The following KHDRBS2 variants were observed in gnomAD, a reference collection of about 807,000 sequenced individuals.
KHDRBS2 encodes KH domain-containing, RNA-binding, signal transduction-associated protein 2.
A neutral mutation model predicts 44.3 loss-of-function variants in KHDRBS2; 26 were observed. The observed-to-expected ratio is 0.59, with a 90% CI of 0.43 to 0.81. The LOEUF (loss-of-function observed/expected upper bound fraction) is 0.81. Among genes scored for constraint, KHDRBS2 ranks in the 40% least tolerant of loss-of-function variants. The pLI, the probability that KHDRBS2 is intolerant of heterozygous loss-of-function variation, is 0.00. For synonymous variants in KHDRBS2, 194 were observed against 151.1 expected, an observed-to-expected ratio of 1.28 and a Z score of -2.08; for missense variants, 476 against 433.1, an observed-to-expected ratio of 1.10 and a Z score of -0.88.
At chr6:61,619,847 A>G in the KHDRBS2 span, among the ~76,000 whole-genome samples, 1 of 152,116 alleles carries the variant, frequency 6.6e-6, no homozygotes, top group South Asian at 2.1e-4. Context: ...TTGTTCTCAC[A>G]TATTTGCAAT....
At chr6:62,070,371 G>C (rs1584500759) in intron 2 of KHDRBS2, among the ~76,000 whole-genome samples, 1 of 151,132 alleles carries the variant, frequency 6.6e-6, no homozygotes, top group East Asian at 1.9e-4. Flanking sequence ...TAAGTTTTAG[G>C]ATACATGTGC....
chr6:61,967,832 C>T (rs1228263045), intron 4 of KHDRBS2, among the ~76,000 whole-genome samples: 1 of 142,480 alleles, frequency 7.0e-6, no homozygotes, highest in Non-Finnish European at 1.5e-5. Context: ...GGCCTTTTCT[C>T]TCTCTCTCAA....
chr6:61,886,062 C>T (rs2127322789), intron 6 of KHDRBS2, among the ~76,000 whole-genome samples: 1 of 152,256 alleles, frequency 6.6e-6, no homozygotes, highest in African/African-American at 2.4e-5. Context: ...ACATCTCAGT[C>T]AGTCTCACTA....
chr6:62,197,083 A>C (rs1825859598), intron 1 of KHDRBS2, among the ~76,000 whole-genome samples: 1 of 152,186 alleles, frequency 6.6e-6, no homozygotes, highest in African/African-American at 2.4e-5. Context: ...GTTTCACAGT[A>C]AGTAGAGCAA....
chr6:62,029,517 T>A (rs1783961105), intron 3 of KHDRBS2, among the ~76,000 whole-genome samples: 1 of 151,974 alleles, frequency 6.6e-6, no homozygotes, highest in Non-Finnish European at 1.5e-5. Flanking sequence ...TCAGGAAACA[T>A]AGCTAGGTTT....
intron 6 of KHDRBS2, among the ~76,000 whole-genome samples, chr6:61,743,814 G>A (rs1455309700): frequency 7.6e-6 from 1 of 131,004 alleles, no homozygotes; most frequent in Non-Finnish European, 1.5e-5. Flanking sequence ...GGTGTGTGAT[G>A]TTCCCCTTCC....
At chr6:61,848,469 T>TTATATATATATATATA (rs796641130) in intron 6 of KHDRBS2, among the ~76,000 whole-genome samples, 11 of 73,680 alleles carry the variant, frequency 1.5e-4, no homozygotes, top group African/African-American at 2.7e-4. Flanking sequence ...AATGGAGGTT[T>TTATATATATATATATA]TATATATATA....
At chr6:61,595,947 A>G in the KHDRBS2 span, among the ~76,000 whole-genome samples, 1 of 152,134 alleles carries the variant, frequency 6.6e-6, no homozygotes, top group African/African-American at 2.4e-5. Context: ...TTTTCTAGTC[A>G]TCTTGGGTTT....
intron 2 of KHDRBS2, among the ~76,000 whole-genome samples, chr6:62,075,676 C>T (rs1470610533): frequency 6.6e-6 from 1 of 151,706 alleles, no homozygotes; most frequent in Non-Finnish European, 1.5e-5. Flanking sequence ...TTTTTTGGTC[C>T]AATTTTGATA....
chr6:61,993,979 T>C lies in KHDRBS2; in HGVS notation c.337-15767A>G, dbSNP rs539105538. The stretch of plus-strand genomic sequence containing the variant: ...CACGTGATAATCATATTTTACCTCA[T>C]ATAACAAAATAGAAAGTAAAGTCAA... On this transcript the variant is annotated intron_variant, in intron 3 of 8. Transcript: ENST00000281156. 3.3e-5 allele frequency among the ~76,000 whole-genome samples: 5 copies of C among 152,174 alleles called. No individual in the cohort carries two copies. In the East Asian group the frequency reaches 7.7e-4, roughly 24 times the overall value.
At chr6:61,577,394 G>T in the KHDRBS2 span, among the ~76,000 whole-genome samples, 1 of 152,084 alleles carries the variant, frequency 6.6e-6, no homozygotes, top group African/African-American at 2.4e-5. Context: ...CAGCAATTTT[G>T]TGAACATGAG....
intron 2 of KHDRBS2, among the ~76,000 whole-genome samples, chr6:62,103,197 A>G (rs1802299511): frequency 6.6e-6 from 1 of 152,036 alleles, no homozygotes; most frequent in Non-Finnish European, 1.5e-5. Context: ...GCTTCCAGTC[A>G]TCCCTGACTT....
At chr6:61,776,939 C>G (rs939258176) in intron 6 of KHDRBS2, among the ~76,000 whole-genome samples, 3 of 152,124 alleles carry the variant, frequency 2.0e-5, no homozygotes, top group Admixed American at 6.5e-5. Context: ...ACATATACAC[C>G]ATGGAATACT....
chr6:62,014,539 C>T (rs1780863869), intron 3 of KHDRBS2, among the ~76,000 whole-genome samples: 1 of 151,980 alleles, frequency 6.6e-6, no homozygotes, highest in Admixed American at 6.6e-5. Flanking sequence ...CTGTATGACC[C>T]TACTGGCTAG....
At chr6:62,087,180 A>G (rs926256666) in intron 2 of KHDRBS2, among the ~76,000 whole-genome samples, 1 of 152,152 alleles carries the variant, frequency 6.6e-6, no homozygotes, top group Non-Finnish European at 1.5e-5. Context: ...TATAACTTAA[A>G]AAGAGAATAT....
chr6:61,814,846 A>G (rs78814452), intron 6 of KHDRBS2, among the ~76,000 whole-genome samples: 4,257 of 151,886 alleles, frequency 0.028, 192 homozygotes, highest in African/African-American at 0.098. Flanking sequence ...GTTCCTCAGC[A>G]TCTTTTGGGG....
intron 2 of KHDRBS2, among the ~76,000 whole-genome samples, chr6:62,154,816 T>C (rs1816010627): frequency 6.6e-6 from 1 of 152,204 alleles, no homozygotes. Flanking sequence ...CAAAAGCTTT[T>C]AGTTTTGAAA....
At chr6:62,151,729 C>T (rs1348920883) in intron 2 of KHDRBS2, among the ~76,000 whole-genome samples, 2 of 152,124 alleles carry the variant, frequency 1.3e-5, no homozygotes, top group African/African-American at 4.8e-5. Flanking sequence ...CACACACACA[C>T]AACTTCAAGT....
intron 6 of KHDRBS2, among the ~76,000 whole-genome samples, chr6:61,879,876 T>A (rs1799964079): frequency 1.3e-5 from 2 of 151,838 alleles, no homozygotes; most frequent in South Asian, 4.1e-4. Context: ...TCTCATAGTA[T>A]TATATATTTA....
Sources: gnomAD v4.1 joint callset for allele counts (sites outside exome capture counted in the v4.1 genomes callset) on GRCh38, gnomAD v4.1.1 for gene constraint, MANE v1.5 for transcripts, NCBI Gene and HGNC (gene_info 2026-07-23, HGNC 2026-07-21) for gene names.